Variants in CCDC141 observed in about 807,000 individuals in gnomAD.
The protein encoded by CCDC141 is coiled-coil domain containing 141.
In CCDC141, 168 loss-of-function variants were observed where a neutral mutation model predicts 181.0. That is an observed-to-expected ratio of 0.93 (90% CI 0.82 to 1.05). The LOEUF (loss-of-function observed/expected upper bound fraction) is 1.05, where lower values mean the gene tolerates loss of function less well. CCDC141 is among the 50% of genes least tolerant of loss of function. The pLI is 0.00. For synonymous variants in CCDC141, 666 were observed against 642.3 expected (o/e 1.04, Z -0.56); for missense variants, 1,902 against 1,788.5 (o/e 1.06, Z -1.14).
At chr2:178,872,423 T>C in intron 12 of CCDC141, 111 bp from the exon 13 acceptor site, 1 of 966,024 alleles carries the variant, frequency 1.0e-6, no homozygotes, top group Non-Finnish European at 1.5e-6. Flanking sequence ...AAGCCGAAGA[T>C]GGTTCTGACA....
chr2:178,860,543 C>CTTTTTTTTT lies in CCDC141; in HGVS notation c.2725-4155_2725-4147dup, dbSNP rs71023458. On this transcript the variant is annotated intron_variant, in intron 17 of 23. Transcript: ENST00000443758. ...GCGAGACTCAAAAAAAAAAACAACA[C>CTTTTTTTTT]TTTTTTTTTTTTTTTTTTTTTTTTT... 9.7e-5 allele frequency among the ~76,000 whole-genome samples: 5 copies of CTTTTTTTTT among 51,352 alleles called. 1 individual carries two copies. The highest frequency in any genetic ancestry group is 3.4e-4 in the African/African-American group (4 of 11,860). The allele number at this position is 51,352 out of a possible 152,430, so 33.7% of individuals were successfully genotyped here.
Position 178,831,067 on chromosome 2 carries a change from T to C in CCDC141, c.*3106A>G, listed in dbSNP as rs759529877. 6 of 152,132 alleles carry C rather than the reference T, an allele frequency of 3.9e-5. No individual in the cohort carries two copies. Among genetic ancestry groups the C allele is most frequent in the Non-Finnish European group, 5.9e-5 (4 of 68,014 alleles). 9.4% of individuals were successfully genotyped at this position (152,132 alleles called of 1,614,324 possible). ...TGTAGTCATCTATTTTAAGTATGTGTCTTGATTATGAGTGATAGAGGTTAC... is the reference window on the plus strand; with the variant it reads ...TGTAGTCATCTATTTTAAGTATGTGCCTTGATTATGAGTGATAGAGGTTAC... On this transcript the variant is annotated 3_prime_UTR_variant, in exon 24 of 24. Transcript: ENST00000443758.
At chr2:178,859,604 T>C (rs1207158797) in intron 17 of CCDC141, among the ~76,000 whole-genome samples, 2 of 152,138 alleles carry the variant, frequency 1.3e-5, no homozygotes, top group Non-Finnish European at 2.9e-5. Flanking sequence ...CTTCAGAAAA[T>C]TAGGGAAAAT....
chr2:179,010,816 A>G (rs763704861), intron 2 of CCDC141, among the ~76,000 whole-genome samples: 2 of 152,206 alleles, frequency 1.3e-5, no homozygotes, highest in East Asian at 1.9e-4. Context: ...ACAGTACCTC[A>G]TATTTCAATA....
At chr2:178,856,818 CA>C (rs774752735) in intron 17 of CCDC141, among the ~76,000 whole-genome samples, 1 of 152,166 alleles carries the variant, frequency 6.6e-6, no homozygotes, top group Non-Finnish European at 1.5e-5. Context: ...CTCCTGGCCT[CA>C]AGTGATCCAC....
At chr2:178,826,289 T>C (rs1684124273), downstream of CCDC141, among the ~76,000 whole-genome samples, 1 of 152,202 alleles carries the variant, frequency 6.6e-6, no homozygotes, top group Admixed American at 6.5e-5. Context: ...CCACGTCTTG[T>C]GTGGGATTCT....
intron 5 of CCDC141, among the ~76,000 whole-genome samples, chr2:178,949,517 C>A (rs1184695635): frequency 6.6e-6 from 1 of 152,094 alleles, no homozygotes; most frequent in Non-Finnish European, 1.5e-5. Flanking sequence ...TATACATCTG[C>A]AGAAAGAAAG....
intron 12 of CCDC141, chr2:178,877,692 G>C (rs1575159920): frequency 1.0e-5 from 5 of 486,334 alleles, no homozygotes; most frequent in Non-Finnish European, 1.8e-5. Flanking sequence ...GGACTTCTGA[G>C]GACTCTATTT....
At chr2:178,898,981 T>C (rs748795593) in intron 8 of CCDC141, among the ~76,000 whole-genome samples, 2 of 152,196 alleles carry the variant, frequency 1.3e-5, no homozygotes, top group African/African-American at 4.8e-5. Flanking sequence ...GCTGTAATCA[T>C]TTGAAACAAC....
chr2:179,033,110 A>G (rs2154387085), intron 2 of CCDC141, among the ~76,000 whole-genome samples: 1 of 151,102 alleles, frequency 6.6e-6, no homozygotes, highest in African/African-American at 2.4e-5. Flanking sequence ...AAACACACAG[A>G]CAAACCAAAA....
chr2:178,989,677 T>C (rs1324770645), intron 2 of CCDC141, among the ~76,000 whole-genome samples: 1 of 149,642 alleles, frequency 6.7e-6, no homozygotes, highest in African/African-American at 2.4e-5. Context: ...AATCATAAAA[T>C]GGGCAACGGA....
intron 8 of CCDC141, among the ~76,000 whole-genome samples, chr2:178,896,827 C>T (rs1687431019): frequency 6.6e-6 from 1 of 152,114 alleles, no homozygotes; most frequent in South Asian, 2.1e-4. Context: ...TAGTAGTACC[C>T]ATTTCACAGG....
chr2:178,822,673 C>G, the CCDC141 span, among the ~76,000 whole-genome samples: 21 of 152,014 alleles, frequency 1.4e-4, no homozygotes, highest in African/African-American at 4.8e-4. Flanking sequence ...CTACATTTAC[C>G]CAATTAAAAA....
Position 178,854,525 on chromosome 2 carries a change from A to AAAAT in CCDC141, c.3060+818_3060+821dup, listed in dbSNP as rs570278216. On this transcript the variant is annotated intron_variant, in intron 19 of 23. Coordinates refer to ENST00000443758, the MANE Select transcript of CCDC141 (RefSeq NM_173648.4). ...GGAAACAGAGCGACACTCCATCTCA[A>AAAAT]AAATAAATAAATAAATAAATAACTG... Among the ~76,000 whole-genome samples the AAAAT allele has an allele frequency of 3.2e-4, 49 of 152,282 alleles. 1 individual carries two copies. The East Asian group carries it at 7.9e-3, about 25-fold the overall frequency.
chr2:179,006,212 C>T (rs554513936), intron 2 of CCDC141, among the ~76,000 whole-genome samples: 1 of 152,156 alleles, frequency 6.6e-6, no homozygotes, highest in African/African-American at 2.4e-5. Flanking sequence ...ATTTCATTGG[C>T]AGATAATATT....
chr2:178,886,145 TC>T (rs912699865), intron 10 of CCDC141, among the ~76,000 whole-genome samples: 1 of 152,178 alleles, frequency 6.6e-6, no homozygotes, highest in African/African-American at 2.4e-5. Context: ...ACAGGCCTCT[TC>T]CTGCTGACCT....
At chr2:178,889,122 T>G (rs1405690389) in intron 8 of CCDC141, among the ~76,000 whole-genome samples, 5 of 152,164 alleles carry the variant, frequency 3.3e-5, no homozygotes, top group Non-Finnish European at 7.3e-5. Flanking sequence ...AGGTCCTTGT[T>G]CTCAATGATT....
At chr2:179,019,490 T>C (rs2042634799) in intron 2 of CCDC141, among the ~76,000 whole-genome samples, 1 of 152,148 alleles carries the variant, frequency 6.6e-6, no homozygotes, top group South Asian at 2.1e-4. Flanking sequence ...TCTAGTTTAA[T>C]GACGTAATAT....
intron 2 of CCDC141, among the ~76,000 whole-genome samples, chr2:179,032,794 G>GA (rs148107949): frequency 0.11 from 16,204 of 151,638 alleles, 1,295 homozygotes; most frequent in Admixed American, 0.21. Flanking sequence ...TTCGCTCAAG[G>GA]ACCTAAGTTT....
Sources: allele counts gnomAD v4.1 joint callset (sites outside exome capture counted in the v4.1 genomes callset), GRCh38; gene constraint gnomAD v4.1.1; transcripts MANE v1.5; gene names NCBI Gene and HGNC (gene_info 2026-07-23, HGNC 2026-07-21).